TYW1: variants seen among roughly 807,000 people sequenced by gnomAD.
TYW1 encodes the protein tRNA-yW synthesizing protein 1 homolog, also known as S-adenosyl-L-methionine-dependent tRNA 4-demethylwyosine synthase TYW1.
A neutral mutation model predicts 96.2 loss-of-function variants in TYW1; 46 were observed. The ratio of observed to expected loss-of-function variants is 0.48; its 90% CI spans 0.38 to 0.61. TYW1 has a LOEUF of 0.61. TYW1 is among the 20% of genes least tolerant of loss of function. The pLI is 0.00. For missense variants in TYW1, 684 were observed against 909.6 expected (o/e 0.75, Z 3.19); for synonymous variants, 274 against 323.0 (o/e 0.85, Z 1.63).
intron 11 of TYW1, among the ~76,000 whole-genome samples, chr7:67,089,016 C>A (rs1167002172): frequency 6.6e-6 from 1 of 152,204 alleles, no homozygotes; most frequent in African/African-American, 2.4e-5. Flanking sequence ...TTGTGATATT[C>A]CTGGTATCTC....
At chr7:67,157,335 G>T (rs1799015251) in intron 13 of TYW1, among the ~76,000 whole-genome samples, 1 of 152,110 alleles carries the variant, frequency 6.6e-6, no homozygotes, top group Admixed American at 6.6e-5. Context: ...ACCCAGGCTG[G>T]AGTGCAATGG....
chr7:67,012,751 A>G (rs1750829482), intron 4 of TYW1, among the ~76,000 whole-genome samples: 1 of 152,102 alleles, frequency 6.6e-6, no homozygotes, highest in Non-Finnish European at 1.5e-5. Context: ...CGCAGTCAAA[A>G]GTTTGTTTCA....
At chr7:67,197,488 G>C (rs183637699) in intron 15 of TYW1, among the ~76,000 whole-genome samples, 1 of 152,166 alleles carries the variant, frequency 6.6e-6, no homozygotes, top group Non-Finnish European at 1.5e-5. Context: ...ACCACACCCA[G>C]CTAATTTTTG....
At chr7:67,070,617 T>C (rs1180516247) in intron 10 of TYW1, among the ~76,000 whole-genome samples, 24 of 152,202 alleles carry the variant, frequency 1.6e-4, no homozygotes, top group Admixed American at 9.2e-4. Flanking sequence ...ATCTCTTCAT[T>C]GATATTCTGG....
In TYW1 at chr7:67,072,248, C is replaced by CTTT. The variant is rs35654128; in HGVS notation, c.1274+4859_1274+4861dup. Among the ~76,000 whole-genome samples, 92 of 128,930 alleles carry CTTT rather than the reference C, an allele frequency of 7.1e-4. 2 individuals carry two copies. Among genetic ancestry groups the CTTT allele is most frequent in the South Asian group, 6.1e-3 (24 of 3,910 alleles). 84.6% of individuals were successfully genotyped at this position (128,930 alleles called of 152,430 possible). A position where few individuals can be genotyped will look rare whatever the true frequency, so the allele number is the denominator to read the frequency against. On this transcript the variant is annotated intron_variant, in intron 10 of 15. Coordinates refer to ENST00000359626, the MANE Select transcript of TYW1 (RefSeq NM_018264.4). ...AGACCTTTGTTAACCCCTCTACCCACTTTTTTTTTTTTTTTTGAGACGGAG... is the reference window on the plus strand; with the variant it reads ...AGACCTTTGTTAACCCCTCTACCCACTTTTTTTTTTTTTTTTTTTGAGACGGAG...
intron 7 of TYW1, among the ~76,000 whole-genome samples, chr7:67,045,013 T>C (rs1795142897): frequency 6.6e-6 from 1 of 152,060 alleles, no homozygotes; most frequent in Non-Finnish European, 1.5e-5. Context: ...CCAGGAGAAA[T>C]GTATGTTTTG....
At chr7:67,183,362 T>G in intron 14 of TYW1, 126 bp downstream of exon 14, 1 of 784,042 alleles carries the variant, frequency 1.3e-6, no homozygotes, top group African/African-American at 1.7e-5. Context: ...ATGTATTCAT[T>G]TCGTGATCGA....
rs141735388 is a variant in TYW1 at position 67,048,939 on chromosome 7, G to A, written c.985-1010G>A. On this transcript the variant is annotated intron_variant, in intron 7 of 15. Transcript: ENST00000359626. Reference sequence around the variant, plus strand: ...TGAGGCATGAGAATTGCTTGAACCCGGGAGGTGGTGTTTGCAGTGAGCCAA... The same window carrying A: ...TGAGGCATGAGAATTGCTTGAACCCAGGAGGTGGTGTTTGCAGTGAGCCAA... Among the ~76,000 whole-genome samples the A allele has an allele frequency of 3.3e-3, 497 of 152,312 alleles. 2 individuals are homozygous for A. Among genetic ancestry groups the A allele is most frequent in the Non-Finnish European group, 6.0e-3 (410 of 68,032 alleles).
intron 1 of TYW1, among the ~76,000 whole-genome samples, chr7:66,997,347 C>T (rs1793206127): frequency 6.6e-6 from 1 of 151,778 alleles, no homozygotes; most frequent in African/African-American, 2.4e-5. Context: ...GGTGTAAGGT[C>T]AGTTACTTGA....
At chr7:67,092,674 CTTTTTTTTTTTTTTTT>C (rs3980762) in intron 11 of TYW1, among the ~76,000 whole-genome samples, 3 of 92,448 alleles carry the variant, frequency 3.2e-5, no homozygotes, top group Non-Finnish European at 6.4e-5. Flanking sequence ...CTATCACCTT[CTTTTTTTTTTTTTTTT>C]TTTTTTTTTT....
chr7:67,129,676 T>C (rs962941209), intron 13 of TYW1, among the ~76,000 whole-genome samples: 7 of 152,206 alleles, frequency 4.6e-5, no homozygotes, highest in African/African-American at 1.7e-4. Context: ...TCTTGCTGCA[T>C]TGGAAACTAG....
chr7:67,006,977 T>TAA (rs1159440024), intron 3 of TYW1, among the ~76,000 whole-genome samples: 3 of 113,142 alleles, frequency 2.7e-5, no homozygotes, highest in Non-Finnish European at 5.5e-5. Flanking sequence ...TTTTTTTTTT[T>TAA]AACAGCCATC....
At chr7:67,040,564 G>T (rs1794985426) in intron 7 of TYW1, among the ~76,000 whole-genome samples, 1 of 152,090 alleles carries the variant, frequency 6.6e-6, no homozygotes, top group Non-Finnish European at 1.5e-5. Context: ...GCTTTGTTTA[G>T]CAGGGCGCAG....
intron 13 of TYW1, among the ~76,000 whole-genome samples, chr7:67,141,914 A>C (rs1798462815): frequency 6.6e-6 from 1 of 152,200 alleles, no homozygotes; most frequent in African/African-American, 2.4e-5. Context: ...AGGCGCCTGT[A>C]ATCCCAGCTA....
At chr7:67,111,114 A>G (rs1797392926) in intron 12 of TYW1, among the ~76,000 whole-genome samples, 4 of 152,228 alleles carry the variant, frequency 2.6e-5, no homozygotes, top group African/African-American at 2.4e-5. Context: ...GAATCCATCT[A>G]CAAGGAAGCC....
chr7:67,231,930 T>TA (rs1232671555), intron 15 of TYW1, among the ~76,000 whole-genome samples: 77 of 150,318 alleles, frequency 5.1e-4, no homozygotes, highest in Admixed American at 2.0e-3. Context: ...TCTTTAATAT[T>TA]AAAAAAAAAA....
In TYW1 at chr7:67,145,873, A is replaced by G. The variant is rs1224191503; in HGVS notation, c.1698+28255A>G. On this transcript the variant is annotated intron_variant, in intron 13 of 15. Coordinates refer to ENST00000359626, the MANE Select transcript of TYW1 (RefSeq NM_018264.4). ...GGGCTTAAGCAATCTTCCCACCTCA[A>G]CCTCCCAAATAGCTGGGACTACAGG... 2.0e-5 allele frequency among the ~76,000 whole-genome samples: 3 copies of G among 148,748 alleles called. No homozygotes were observed. The South Asian group carries it at 6.4e-4, about 32-fold the overall frequency.
intron 14 of TYW1, among the ~76,000 whole-genome samples, chr7:67,187,125 A>T (rs1233615452): frequency 1.4e-5 from 2 of 140,270 alleles, no homozygotes; most frequent in African/African-American, 5.4e-5. Context: ...GCGCAGTGGC[A>T]CAATCTCGGT....
intron 8 of TYW1, among the ~76,000 whole-genome samples, chr7:67,050,628 C>T (rs530534967): frequency 1.5e-4 from 23 of 151,942 alleles, no homozygotes; most frequent in African/African-American, 2.4e-4. Context: ...AAGGAACCGT[C>T]GGTCTGGTGC....
Sources: gnomAD v4.1 joint callset for allele counts (sites outside exome capture counted in the v4.1 genomes callset) on GRCh38, gnomAD v4.1.1 for gene constraint, MANE v1.5 for transcripts, NCBI Gene and HGNC (gene_info 2026-07-23, HGNC 2026-07-21) for gene names.